The following CALN1 variants were observed in gnomAD, a reference collection of about 807,000 sequenced individuals.
The protein encoded by CALN1 is calcium-binding protein 8.
Under a neutral mutation model 30.6 loss-of-function variants are expected in CALN1, and 17 were observed. That is an observed-to-expected ratio of 0.56 (90% CI 0.38 to 0.83). The LOEUF (loss-of-function observed/expected upper bound fraction) is 0.83. Ranked by LOEUF, CALN1 falls within the 40% of genes least tolerant of loss-of-function variation. The pLI, the probability that CALN1 is intolerant of heterozygous loss-of-function variation, is 0.00. For synonymous variants in CALN1, 156 were observed against 131.4 expected (o/e 1.19, Z -1.28); for missense variants, 291 against 354.9 (o/e 0.82, Z 1.45).
intron 6 of CALN1, among the ~76,000 whole-genome samples, chr7:71,792,653 C>G (rs567656904): frequency 3.9e-5 from 6 of 151,936 alleles, no homozygotes; most frequent in Non-Finnish European, 8.8e-5. Flanking sequence ...AAGGAAAGGG[C>G]CAAAGAAGAA....
chr7:72,480,258 A>G, the CALN1 span, among the ~76,000 whole-genome samples: 6 of 152,238 alleles, frequency 3.9e-5, no homozygotes, highest in Admixed American at 1.3e-4. Context: ...TCAGGAATCA[A>G]TGAAGGGTTT....
chr7:72,010,823 G>C (rs7795721), intron 5 of CALN1, among the ~76,000 whole-genome samples: 2,630 of 147,398 alleles, frequency 0.018, 59 homozygotes, highest in African/African-American at 0.062. Flanking sequence ...AAAAAGAAAA[G>C]AAAAGAAAAG....
At chr7:72,370,065 T>A (rs536548600) in intron 2 of CALN1, among the ~76,000 whole-genome samples, 2 of 152,352 alleles carry the variant, frequency 1.3e-5, no homozygotes, top group African/African-American at 4.8e-5. Context: ...AAAATAGTTG[T>A]ACCATTTTAC....
At chr7:72,394,936 G>A (rs373140944) in intron 2 of CALN1, among the ~76,000 whole-genome samples, 3 of 152,216 alleles carry the variant, frequency 2.0e-5, no homozygotes, top group South Asian at 2.1e-4. Flanking sequence ...GGGATTACAG[G>A]CATGAGCCAT....
At chr7:72,363,131 G>A (rs573279397) in intron 2 of CALN1, among the ~76,000 whole-genome samples, 3 of 152,234 alleles carry the variant, frequency 2.0e-5, no homozygotes, top group East Asian at 1.9e-4. Context: ...CATCACCCAG[G>A]TATTAAAAAT....
At chr7:71,924,392 C>T (rs1795149739) in intron 5 of CALN1, among the ~76,000 whole-genome samples, 1 of 151,756 alleles carries the variant, frequency 6.6e-6, no homozygotes, top group Non-Finnish European at 1.5e-5. Context: ...TTAACCTTTA[C>T]ATTTTTAATA....
chr7:72,095,905 C>T (rs910235463), intron 4 of CALN1, among the ~76,000 whole-genome samples: 3 of 152,014 alleles, frequency 2.0e-5, no homozygotes, highest in Admixed American at 6.6e-5. Flanking sequence ...GGCATGGTGA[C>T]GACGCATGCC....
At chr7:72,369,985 A>G (rs1387340419) in intron 2 of CALN1, among the ~76,000 whole-genome samples, 1 of 152,208 alleles carries the variant, frequency 6.6e-6, no homozygotes, top group East Asian at 1.9e-4. Context: ...TTAAATACCT[A>G]GAAATGTAAT....
At chr7:71,838,472 G>T (rs1789748739) in intron 5 of CALN1, among the ~76,000 whole-genome samples, 2 of 152,078 alleles carry the variant, frequency 1.3e-5, no homozygotes, top group African/African-American at 4.8e-5. Flanking sequence ...TATCCCCCAG[G>T]CTGGAGTGGG....
chr7:72,234,966 C>A (rs1008461070), intron 3 of CALN1, among the ~76,000 whole-genome samples: 3 of 152,124 alleles, frequency 2.0e-5, no homozygotes, highest in African/African-American at 7.2e-5. Flanking sequence ...AGAAACACAA[C>A]AGATAAAAAC....
chr7:72,191,637 C>A (rs893612153), intron 3 of CALN1, among the ~76,000 whole-genome samples: 2 of 148,662 alleles, frequency 1.3e-5, no homozygotes, highest in African/African-American at 5.0e-5. Context: ...TGGAGGAAAG[C>A]AGGACATGAG....
Position 72,132,268 on chromosome 7 carries a change from A to G in CALN1, c.245-25974T>C, listed in dbSNP as rs190945397. Reference sequence around the variant, plus strand: ...TAAACATGCTTAGGACACTTCCATCAGCCTACCATTGGGCAAAACCATCTA... The same window carrying G: ...TAAACATGCTTAGGACACTTCCATCGGCCTACCATTGGGCAAAACCATCTA... On this transcript the variant is annotated intron_variant, in intron 3 of 6. Transcript: ENST00000395275. Among the ~76,000 whole-genome samples, 9 of 152,288 alleles carry G rather than the reference A, an allele frequency of 5.9e-5. No homozygotes were observed. The East Asian group carries it at 1.4e-3, about 23-fold the overall frequency.
At chr7:72,301,503 G>C (rs2129555656) in intron 2 of CALN1, among the ~76,000 whole-genome samples, 1 of 151,812 alleles carries the variant, frequency 6.6e-6, no homozygotes, top group Non-Finnish European at 1.5e-5. Context: ...AGCTACTCGG[G>C]AGGCTGAGAG....
chr7:72,070,200 G>T (rs1804293947), intron 4 of CALN1, among the ~76,000 whole-genome samples: 1 of 152,158 alleles, frequency 6.6e-6, no homozygotes, highest in Non-Finnish European at 1.5e-5. Flanking sequence ...GAAAAGGGAG[G>T]GCAGAGGAAG....
chr7:71,823,881 T>C (rs1378606952), intron 5 of CALN1, among the ~76,000 whole-genome samples: 2 of 152,104 alleles, frequency 1.3e-5, no homozygotes, highest in East Asian at 1.9e-4. Flanking sequence ...TGGTGGCAGG[T>C]AAGAGAGAGA....
At chr7:72,228,883 T>TC (rs1361064603) in intron 3 of CALN1, among the ~76,000 whole-genome samples, 1 of 150,910 alleles carries the variant, frequency 6.6e-6, no homozygotes, top group Non-Finnish European at 1.5e-5. Flanking sequence ...CACCTCAGCC[T>TC]CCTGAGTAGC....
chr7:72,087,573 C>T (rs369845449), intron 4 of CALN1, among the ~76,000 whole-genome samples: 5 of 152,114 alleles, frequency 3.3e-5, no homozygotes, highest in African/African-American at 7.2e-5. Context: ...ATTAGAAAAG[C>T]GACAAGAGAT....
the CALN1 span, among the ~76,000 whole-genome samples, chr7:72,497,061 T>A: frequency 6.6e-6 from 1 of 152,070 alleles, no homozygotes; most frequent in South Asian, 2.1e-4. Flanking sequence ...GGAGGAAAGA[T>A]TCCAATGAGC....
At chr7:72,074,945 A>T (rs1300271883) in intron 4 of CALN1, among the ~76,000 whole-genome samples, 1 of 152,196 alleles carries the variant, frequency 6.6e-6, no homozygotes, top group Non-Finnish European at 1.5e-5. Flanking sequence ...GAAGTCAAAA[A>T]CTTATTAATT....
Sources: gnomAD v4.1 joint callset for allele counts (sites outside exome capture counted in the v4.1 genomes callset) on GRCh38, gnomAD v4.1.1 for gene constraint, MANE v1.5 for transcripts, NCBI Gene and HGNC (gene_info 2026-07-23, HGNC 2026-07-21) for gene names.